CDKAL1: variants seen among roughly 807,000 people sequenced by gnomAD.
The protein encoded by CDKAL1 is threonylcarbamoyladenosine tRNA methylthiotransferase.
In CDKAL1, 32 loss-of-function variants were observed where a neutral mutation model predicts 68.2. The observed-to-expected ratio is 0.47, with a 90% CI of 0.35 to 0.63. The LOEUF is 0.63. Among genes scored for constraint, CDKAL1 ranks in the 30% least tolerant of loss-of-function variants. The pLI is 0.00. For missense variants in CDKAL1, 606 were observed against 696.7 expected (o/e 0.87, Z 1.47); for synonymous variants, 234 against 244.3 (o/e 0.96, Z 0.39).
chr6:21,000,283 C>T lies in CDKAL1; in HGVS notation c.966C>T (p.Val322=). The change falls in exon 11 of 16, where the codon GTC becomes GTT. Residue 322 remains valine, a synonymous_variant. Coordinates refer to ENST00000274695, the MANE Select transcript of CDKAL1 (RefSeq NM_017774.3). ...TCTACGCTTTTCTGCACATACCAGT[C>T]CAGTCTGCCTCCGACAGCGTACTCA... ...PRVYAFLHIP[V]QSASDSVLME... The T allele has an allele frequency of 1.2e-6, 2 of 1,613,828 alleles. No individual in the cohort carries two copies. Among genetic ancestry groups the T allele is most frequent in the Non-Finnish European group, 1.7e-6 (2 of 1,179,764 alleles).
intron 15 of CDKAL1, among the ~76,000 whole-genome samples, chr6:21,202,162 A>G (rs1430515647): frequency 1.3e-5 from 2 of 152,182 alleles, no homozygotes; most frequent in African/African-American, 2.4e-5. Flanking sequence ...AACAAAGACA[A>G]TACTATTGTC....
intron 9 of CDKAL1, among the ~76,000 whole-genome samples, chr6:20,854,726 C>T (rs1262059387): frequency 3.9e-5 from 6 of 152,186 alleles, no homozygotes; most frequent in Admixed American, 3.3e-4. Context: ...TTAAATCTAT[C>T]CTTAATGAAA....
intron 12 of CDKAL1, among the ~76,000 whole-genome samples, chr6:21,095,062 A>G (rs1425736075): frequency 6.6e-6 from 1 of 152,140 alleles, no homozygotes; most frequent in East Asian, 1.9e-4. Context: ...ATACGCAATA[A>G]GTGGATGGTT....
In CDKAL1 at chr6:20,546,182, A is replaced by G. The variant is rs537130864; in HGVS notation, c.-5-164A>G. Among the ~76,000 whole-genome samples the G allele has an allele frequency of 3.0e-3, 458 of 152,312 alleles. 2 individuals carry two copies. The highest frequency in any genetic ancestry group is 0.01 in the African/African-American group (426 of 41,570). On this transcript the variant is annotated intron_variant, in intron 2 of 15. Transcript: ENST00000274695. Reference sequence around the variant, plus strand: ...TGTTTCTTTTTTCAATATACCCAAGATAGTACTTCATCCTTGTGTTTCTTT... The same window carrying G: ...TGTTTCTTTTTTCAATATACCCAAGGTAGTACTTCATCCTTGTGTTTCTTT...
chr6:20,673,801 G>T (rs374633115), intron 5 of CDKAL1, among the ~76,000 whole-genome samples: 1 of 152,070 alleles, frequency 6.6e-6, no homozygotes, highest in Non-Finnish European at 1.5e-5. Flanking sequence ...CTTACCGTCC[G>T]CCATGACTGT....
chr6:20,901,017 T>A (rs963116399), intron 9 of CDKAL1, among the ~76,000 whole-genome samples: 12 of 152,184 alleles, frequency 7.9e-5, no homozygotes, highest in African/African-American at 2.7e-4. Context: ...TAATGTCCAT[T>A]GGAGCTCATG....
chr6:20,874,833 T>C (rs1760416163), intron 9 of CDKAL1, among the ~76,000 whole-genome samples: 1 of 151,898 alleles, frequency 6.6e-6, no homozygotes, highest in African/African-American at 2.4e-5. Flanking sequence ...AAAAGAGGCA[T>C]CTTAATAGAT....
intron 4 of CDKAL1, among the ~76,000 whole-genome samples, chr6:20,613,516 C>T (rs1279505502): frequency 6.6e-6 from 1 of 150,944 alleles, no homozygotes; most frequent in Non-Finnish European, 1.5e-5. Context: ...CTCAAGTGAC[C>T]TGCCCTCCTC....
At chr6:21,150,520 A>G (rs1434534495) in intron 13 of CDKAL1, among the ~76,000 whole-genome samples, 2 of 152,344 alleles carry the variant, frequency 1.3e-5, no homozygotes, top group Non-Finnish European at 2.9e-5. Context: ...AGTTGGGGCA[A>G]TGAAGGCAAA....
chr6:20,570,669 G>A lies in CDKAL1; in HGVS notation c.286+21964G>A, dbSNP rs188036637. ...AACTGCCTTGGCTTCCCAAAGTGCT[G>A]GGATTACAGGTGTGCACTGGGTCAG... is the stretch of plus-strand genomic sequence containing the variant. On this transcript the variant is annotated intron_variant, in intron 4 of 15. Transcript: ENST00000274695. 5.8e-3 allele frequency among the ~76,000 whole-genome samples: 889 copies of A among 152,294 alleles called. 9 individuals are homozygous for A. The highest frequency in any genetic ancestry group is 0.021 in the African/African-American group (857 of 41,548).
chr6:20,875,020 G>A (rs1454954288), intron 9 of CDKAL1, among the ~76,000 whole-genome samples: 1 of 151,936 alleles, frequency 6.6e-6, no homozygotes, highest in Non-Finnish European at 1.5e-5. Context: ...TGTCTAGCAG[G>A]CCGGCGCGGT....
At chr6:21,045,768 C>T (rs1770191766) in intron 11 of CDKAL1, among the ~76,000 whole-genome samples, 1 of 152,164 alleles carries the variant, frequency 6.6e-6, no homozygotes, top group South Asian at 2.1e-4. Context: ...ATGAGAGTAG[C>T]AATCTAATGA....
chr6:21,067,848 C>T (rs1284639029), intron 12 of CDKAL1, among the ~76,000 whole-genome samples: 1 of 152,146 alleles, frequency 6.6e-6, no homozygotes, highest in Non-Finnish European at 1.5e-5. Context: ...ATGGTAGAAG[C>T]TCCATATTCT....
intron 9 of CDKAL1, among the ~76,000 whole-genome samples, chr6:20,884,545 T>C (rs1454310107): frequency 6.6e-6 from 1 of 152,098 alleles, no homozygotes; most frequent in Non-Finnish European, 1.5e-5. Flanking sequence ...TGCATTCAAA[T>C]TGGAAAAGAA....
At chr6:20,746,835 T>C (rs139735759) in intron 6 of CDKAL1, among the ~76,000 whole-genome samples, 13 of 152,340 alleles carry the variant, frequency 8.5e-5, no homozygotes, top group Admixed American at 8.5e-4. Context: ...TCTCCTTCTG[T>C]AGTTACTTTT....
intron 13 of CDKAL1, among the ~76,000 whole-genome samples, chr6:21,197,195 C>T (rs900540234): frequency 1.3e-5 from 2 of 151,710 alleles, no homozygotes; most frequent in African/African-American, 4.8e-5. Flanking sequence ...TACTTGATAC[C>T]TTAAGTGCTG....
intron 4 of CDKAL1, among the ~76,000 whole-genome samples, chr6:20,625,332 A>G (rs190254370): frequency 1.3e-5 from 2 of 152,220 alleles, no homozygotes; most frequent in Admixed American, 6.5e-5. Flanking sequence ...AGAAAAATGT[A>G]TTGGTGACTT....
intron 9 of CDKAL1, among the ~76,000 whole-genome samples, chr6:20,881,204 CAG>C (rs1470565206): frequency 1.3e-5 from 2 of 152,192 alleles, no homozygotes; most frequent in Non-Finnish European, 2.9e-5. Flanking sequence ...ACCCCATCCT[CAG>C]AGTCTGCGAT....
chr6:20,832,514 G>T (rs1777761027), intron 8 of CDKAL1, among the ~76,000 whole-genome samples: 1 of 151,760 alleles, frequency 6.6e-6, no homozygotes, highest in Non-Finnish European at 1.5e-5. Context: ...AAATTAGCCA[G>T]GTTTGGTGGT....
Sources: allele counts gnomAD v4.1 joint callset (sites outside exome capture counted in the v4.1 genomes callset), GRCh38; gene constraint gnomAD v4.1.1; transcripts MANE v1.5; gene names NCBI Gene and HGNC (gene_info 2026-07-23, HGNC 2026-07-21).